The following CCDC34 variants were observed in gnomAD, a reference collection of about 807,000 sequenced individuals.
CCDC34 encodes coiled-coil domain containing 34.
CCDC34 carries 40 observed loss-of-function variants against 44.1 expected under a neutral mutation model. That is an observed-to-expected ratio of 0.91 (90% CI 0.70 to 1.18). The LOEUF (loss-of-function observed/expected upper bound fraction) is 1.18, where lower values mean the gene tolerates loss of function less well. CCDC34 is among the 50% of genes most tolerant of loss of function. The pLI is 0.00. For synonymous variants in CCDC34, 159 were observed against 158.2 expected (o/e 1.01, Z -0.04); for missense variants, 466 against 452.3 (o/e 1.03, Z -0.28).
chr11:27,362,513 C>CAA (rs1862680262), intron 1 of CCDC34, among the ~76,000 whole-genome samples: 1 of 152,208 alleles, frequency 6.6e-6, no homozygotes, highest in South Asian at 2.1e-4. Context: ...CTGCAGTGCA[C>CAA]AATCTGGCTT....
intron 2 of CCDC34, among the ~76,000 whole-genome samples, chr11:27,353,944 G>A (rs1377764462): frequency 1.3e-5 from 2 of 152,154 alleles, no homozygotes; most frequent in African/African-American, 4.8e-5. Flanking sequence ...ATGCTTTTTA[G>A]TTTTAATAGG....
At chr11:27,350,237 A>G in intron 3 of CCDC34, 95 bp downstream of exon 3, 1 of 1,602,076 alleles carries the variant, frequency 6.2e-7, no homozygotes, top group Non-Finnish European at 8.5e-7. Flanking sequence ...AGACTCTAAG[A>G]GAAGTATTTT....
At chr11:27,345,254 T>C (rs1862416123) in intron 3 of CCDC34, among the ~76,000 whole-genome samples, 1 of 152,222 alleles carries the variant, frequency 6.6e-6, no homozygotes, top group South Asian at 2.1e-4. Context: ...AGAGTATTTT[T>C]ACCCTCTTGT....
chr11:27,339,916 C>T (rs1043335661), intron 5 of CCDC34, among the ~76,000 whole-genome samples: 1 of 151,836 alleles, frequency 6.6e-6, no homozygotes, highest in African/African-American at 2.4e-5. Context: ...CTGCTTATTA[C>T]TCTTTTTTTC....
intron 3 of CCDC34, among the ~76,000 whole-genome samples, chr11:27,345,735 G>T (rs1020381377): frequency 2.0e-5 from 3 of 151,628 alleles, no homozygotes; most frequent in Admixed American, 6.6e-5. Context: ...GAATAGTGCC[G>T]CAATAAACAT....
At chr11:27,359,425 G>C (rs1015928993) in intron 1 of CCDC34, among the ~76,000 whole-genome samples, 1 of 152,084 alleles carries the variant, frequency 6.6e-6, no homozygotes, top group African/African-American at 2.4e-5. Flanking sequence ...GCTTAGATTT[G>C]GGCGTAAAAC....
chr11:27,362,790 AG>A lies in CCDC34; in HGVS notation c.359+45del, dbSNP rs373960114. The A allele has an allele frequency of 1.8e-4, 290 of 1,588,272 alleles. 2 individuals are homozygous for A. The East Asian group carries it at 6.3e-3, about 35-fold the overall frequency. On this transcript the variant is annotated intron_variant, in intron 1 of 5. Coordinates refer to ENST00000328697, the MANE Select transcript of CCDC34 (RefSeq NM_030771.2). ...AGAAGGGGGTACTTAAGAGGGTCTA[AG>A]GAATCTTGAAAAGGGCTGAATCGGC...
Position 27,350,329 on chromosome 11 carries a change from T to G in CCDC34, c.606+3A>C. ...ATGTGTGTATCCATTTTCCCCTCCT[T>G]ACTTGCTCATTCTTTTTCTGAACCC... On this transcript the variant is annotated splice_donor_region_variant and intron_variant, in intron 3 of 5. Transcript: ENST00000328697. The G allele has an allele frequency of 6.2e-7, 1 of 1,613,996 alleles. No individual in the cohort carries two copies. The highest frequency in any genetic ancestry group is 1.7e-5 in the Admixed American group (1 of 60,018).
chr11:27,349,926 G>T, intron 3 of CCDC34: 1 of 1,037,268 alleles, frequency 9.6e-7, no homozygotes, highest in Non-Finnish European at 1.2e-6. Flanking sequence ...AGGAACAACA[G>T]AAGAATTCTA....
intron 3 of CCDC34, among the ~76,000 whole-genome samples, chr11:27,347,934 A>T (rs1862456049): frequency 6.6e-6 from 1 of 152,214 alleles, no homozygotes; most frequent in Non-Finnish European, 1.5e-5. Context: ...CTTCTGTAGG[A>T]TTTAAACTAA....
At chr11:27,346,222 C>G (rs1862430916) in intron 3 of CCDC34, among the ~76,000 whole-genome samples, 4 of 151,706 alleles carry the variant, frequency 2.6e-5, no homozygotes, top group Admixed American at 2.6e-4. Flanking sequence ...ATGGTGAAAC[C>G]CCATCTCTAC....
rs201498043 is a variant in CCDC34, at chr11:27,346,431, GAGGGAGGGGAGGGGAGGAAGGA to G, written c.606+3879_606+3900del. 6.0e-3 allele frequency among the ~76,000 whole-genome samples: 857 copies of G among 143,582 alleles called. 3 individuals are homozygous for G. The highest frequency in any genetic ancestry group is 0.02 in the African/African-American group (800 of 39,316). The allele number at this position is 143,582 out of a possible 152,430, so 94.2% of individuals were successfully genotyped here. A position where few individuals can be genotyped will look rare whatever the true frequency, so the allele number is the denominator to read the frequency against. On this transcript the variant is annotated intron_variant, in intron 3 of 5. Coordinates refer to ENST00000328697, the MANE Select transcript of CCDC34 (RefSeq NM_030771.2). Reference sequence around the variant, plus strand: ...GACAGAAGAGAGGGAAACAGGAGGGGAGGGAGGGGAGGGGAGGAAGGAAGGGAGGGAAGACAGAGGAAAGAAG... The same window carrying G: ...GACAGAAGAGAGGGAAACAGGAGGGGAGGGAGGGAAGACAGAGGAAAGAAG...
Position 27,345,913 on chromosome 11 carries a change from G to T in CCDC34, c.607-4363C>A, listed in dbSNP as rs61887801. Reference sequence around the variant, plus strand: ...TTACAGTCCCACCAACAGTGTAAAAGTGTTCCTATTTCTCCACATCCTCTC... The same window carrying T: ...TTACAGTCCCACCAACAGTGTAAAATTGTTCCTATTTCTCCACATCCTCTC... On this transcript the variant is annotated intron_variant, in intron 3 of 5. Transcript: ENST00000328697. Among the ~76,000 whole-genome samples the T allele has an allele frequency of 3.9e-3, 590 of 151,960 alleles. 2 individuals are homozygous for T. Among genetic ancestry groups the T allele is most frequent in the Non-Finnish European group, 5.6e-3 (382 of 67,938 alleles).
At chr11:27,361,325 G>C (rs1862660452) in intron 1 of CCDC34, among the ~76,000 whole-genome samples, 1 of 152,198 alleles carries the variant, frequency 6.6e-6, no homozygotes, top group Non-Finnish European at 1.5e-5. Context: ...CTAATGCAAG[G>C]TTTCAGTAGC....
chr11:27,345,581 C>T (rs1170355225), intron 3 of CCDC34, among the ~76,000 whole-genome samples: 1 of 152,088 alleles, frequency 6.6e-6, no homozygotes. Context: ...TGATGGTTTC[C>T]AGCTTCATCC....
At chr11:27,359,754 A>G (rs1445927806) in intron 1 of CCDC34, among the ~76,000 whole-genome samples, 3 of 152,220 alleles carry the variant, frequency 2.0e-5, no homozygotes, top group Admixed American at 2.0e-4. Flanking sequence ...GCAGAATTGC[A>G]TGAAACTATC....
chr11:27,357,269 A>C (rs1271886976), intron 2 of CCDC34, 134 bp downstream of exon 2: 1 of 744,890 alleles, frequency 1.3e-6, no homozygotes, highest in African/African-American at 1.7e-5. Context: ...TTAGTTATTA[A>C]ATTTGATATA....
intron 4 of CCDC34, 51 bp from the exon 5 acceptor site, chr11:27,340,888 T>C: frequency 1.9e-6 from 3 of 1,558,676 alleles, no homozygotes; most frequent in Non-Finnish European, 2.6e-6. Flanking sequence ...TAACTATACA[T>C]TCCATTCAAA....
intron 3 of CCDC34, chr11:27,349,446 T>C: frequency 1.2e-6 from 1 of 824,208 alleles, no homozygotes; most frequent in Non-Finnish European, 1.5e-6. Context: ...TACTTAGTAC[T>C]CTTATTAATA....
Sources: gnomAD v4.1 joint callset for allele counts (sites outside exome capture counted in the v4.1 genomes callset) on GRCh38, gnomAD v4.1.1 for gene constraint, MANE v1.5 for transcripts, NCBI Gene and HGNC (gene_info 2026-07-23, HGNC 2026-07-21) for gene names.